Variants in ADCY3 observed in about 807,000 individuals in gnomAD.
ADCY3 encodes adenylate cyclase 3.
A neutral mutation model predicts 119.4 loss-of-function variants in ADCY3; 70 were observed. The observed-to-expected ratio is 0.59, with a 90% CI of 0.48 to 0.72. The LOEUF (loss-of-function observed/expected upper bound fraction) is 0.72, where lower values mean the gene tolerates loss of function less well. Among genes scored for constraint, ADCY3 ranks in the 30% least tolerant of loss-of-function variants. The pLI is 0.00. For synonymous variants in ADCY3, 672 were observed against 621.4 expected, an observed-to-expected ratio of 1.08 and a Z score of -1.21; for missense variants, 1,238 against 1,541.6, an observed-to-expected ratio of 0.80 and a Z score of 3.30.
At position 24,822,006 on chromosome 2, in the gene ADCY3, G is replaced by A. The variant is rs576205416; in HGVS notation, c.3004-366C>T. 1.6e-4 allele frequency: 37 copies of A among 236,430 alleles called. No homozygotes were observed. In the East Asian group the frequency reaches 1.7e-3, roughly 11 times the overall value. The allele number at this position is 236,430 out of a possible 1,614,324, so 14.6% of individuals were successfully genotyped here. ...TGGAGGGGGATGACCCGCCTTGGACGTGTTTCTTTAACCTCATCCATATAA... is the reference window on the plus strand; with the variant it reads ...TGGAGGGGGATGACCCGCCTTGGACATGTTTCTTTAACCTCATCCATATAA... On this transcript the variant is annotated intron_variant, in intron 19 of 21. Transcript: ENST00000679454.
intron 17 of ADCY3, 133 bp downstream of exon 17, chr2:24,824,245 G>A: frequency 8.7e-7 from 1 of 1,144,674 alleles, no homozygotes. Flanking sequence ...TGTGTTTGCT[G>A]TTTAGGTTCA....
intron 3 of ADCY3, among the ~76,000 whole-genome samples, chr2:24,856,588 C>G (rs1037113442): frequency 6.6e-6 from 1 of 152,162 alleles, no homozygotes; most frequent in Non-Finnish European, 1.5e-5. Flanking sequence ...GAGGCCAGAG[C>G]CCAAACAGCT....
intron 3 of ADCY3, among the ~76,000 whole-genome samples, chr2:24,850,812 T>A (rs143268740): frequency 6.6e-6 from 1 of 152,302 alleles, no homozygotes; most frequent in African/African-American, 2.4e-5. Flanking sequence ...ACCTTAAGAA[T>A]GACCATAATG....
At position 24,879,370 on chromosome 2, in the gene ADCY3, A is replaced by G. The variant is rs1170808866; in HGVS notation, c.676-6651T>C. ...CAGGAGGCTGAGGCAGGAGAACGGC[A>G]TGAACCCGGGAGGCGGAGCTTGCAG... is the stretch of plus-strand genomic sequence containing the variant. On this transcript the variant is annotated intron_variant, in intron 2 of 21. Transcript: ENST00000679454. Among the ~76,000 whole-genome samples the G allele has an allele frequency of 7.4e-5, 11 of 148,768 alleles. No individual in the cohort carries two copies. In the East Asian group the frequency reaches 8.2e-4, roughly 11 times the overall value.
At chr2:24,853,005 GGTGTGTGTGTGTGTGTGTGTGTGT>G (rs58904311) in intron 3 of ADCY3, among the ~76,000 whole-genome samples, 156 of 95,370 alleles carry the variant, frequency 1.6e-3, no homozygotes, top group South Asian at 2.8e-3. Context: ...ACAGCTGGAG[GGTGTGTGTGTGTGTGTGTGTGTGT>G]GTGTGTGTGT....
At chr2:24,875,674 C>CT (rs1222809693) in intron 2 of ADCY3, among the ~76,000 whole-genome samples, 9 of 152,334 alleles carry the variant, frequency 5.9e-5, no homozygotes, top group Admixed American at 5.2e-4. Flanking sequence ...GGGAGTCCCC[C>CT]TCCCGGCCTC....
intron 2 of ADCY3, among the ~76,000 whole-genome samples, chr2:24,901,014 G>T (rs561794914): frequency 1.3e-5 from 2 of 152,166 alleles, no homozygotes; most frequent in African/African-American, 2.4e-5. Flanking sequence ...GCAGTGAGCC[G>T]AGATCATGCC....
rs1180904847 is a variant in ADCY3, at chr2:24,834,852, C to G, written c.1747G>C (p.Glu583Gln). 6.2e-7 allele frequency: 1 copy of G among 1,613,830 alleles called. No homozygotes were observed. The highest frequency in any genetic ancestry group is 1.3e-5 in the African/African-American group (1 of 74,912). Residue 583 changes from glutamate to glutamine, a missense_variant, in exon 10 of 22, where the codon GAG becomes CAG. Physicochemically the swap from Glu to Gln is conservative, Grantham distance 29 (BLOSUM62 2). Transcript: ENST00000679454. This position sits in a 1 kb window ranked among gnomAD's most constrained non-coding sequence, Gnocchi z 4.2. ...ADRVVDASED[E>Q]HELNQLLNEA... ...TTGAGCAGCTGGTTGAGCTCGTGCTCATCTTCAGAGGCATCCACCACTCGG... is the reference window on the plus strand; with the variant it reads ...TTGAGCAGCTGGTTGAGCTCGTGCTGATCTTCAGAGGCATCCACCACTCGG...
intron 3 of ADCY3, among the ~76,000 whole-genome samples, chr2:24,858,336 C>T (rs1448057406): frequency 6.6e-6 from 1 of 152,102 alleles, no homozygotes; most frequent in East Asian, 1.9e-4. Flanking sequence ...GGTTTTTATC[C>T]AGAATGTACA....
intron 3 of ADCY3, among the ~76,000 whole-genome samples, chr2:24,863,214 C>T (rs1223063628): frequency 6.6e-6 from 1 of 152,116 alleles, no homozygotes; most frequent in East Asian, 1.9e-4. Context: ...ACATTTGAGT[C>T]GGTGGGCTGG....
intron 2 of ADCY3, among the ~76,000 whole-genome samples, chr2:24,903,043 A>T (rs1482187480): frequency 2.0e-5 from 3 of 151,390 alleles, no homozygotes. Flanking sequence ...GCCACTCAGG[A>T]GGCTGAGGCA....
intron 19 of ADCY3, chr2:24,822,003 G>T (rs1667802611): frequency 8.3e-6 from 2 of 240,760 alleles, no homozygotes; most frequent in South Asian, 1.5e-4. Flanking sequence ...ACCCGCCTTG[G>T]ACGTGTTTCT....
intron 3 of ADCY3, among the ~76,000 whole-genome samples, chr2:24,864,378 TG>T (rs1674041488): frequency 6.6e-6 from 1 of 152,168 alleles, no homozygotes. Context: ...ATTCCACTTT[TG>T]GGTATATATC....
At chr2:24,871,635 C>G (rs1486924389) in intron 3 of ADCY3, among the ~76,000 whole-genome samples, 1 of 152,226 alleles carries the variant, frequency 6.6e-6, no homozygotes, top group Non-Finnish European at 1.5e-5. Flanking sequence ...TCTATGAAAA[C>G]AGCAATTTCA....
intron 2 of ADCY3, among the ~76,000 whole-genome samples, chr2:24,884,430 AT>A: frequency 9.5e-6 from 1 of 104,802 alleles, no homozygotes; most frequent in South Asian, 2.8e-4. Context: ...CCTATCCCCT[AT>A]TTTTCTTCTA....
At position 24,828,351 on chromosome 2, in the gene ADCY3, C is replaced by T. The variant is rs113653493; in HGVS notation, c.2173-190G>A. 4.0e-3 allele frequency among the ~76,000 whole-genome samples: 607 copies of T among 152,304 alleles called. 5 individuals are homozygous for T. Among genetic ancestry groups the T allele is most frequent in the African/African-American group, 0.014 (561 of 41,552 alleles). Reference sequence around the variant, plus strand: ...TAGTAACTGCAGCTAAGAGCCTCGCCGTTGCCTCATTTGACATTCACAAAA... The same window carrying T: ...TAGTAACTGCAGCTAAGAGCCTCGCTGTTGCCTCATTTGACATTCACAAAA... On this transcript the variant is annotated intron_variant, in intron 13 of 21. Coordinates refer to ENST00000679454, the MANE Select transcript of ADCY3 (RefSeq NM_004036.5).
At chr2:24,876,601 G>A (rs1204854176) in intron 2 of ADCY3, among the ~76,000 whole-genome samples, 1 of 152,196 alleles carries the variant, frequency 6.6e-6, no homozygotes, top group Non-Finnish European at 1.5e-5. Flanking sequence ...AGGGCCCTGA[G>A]CTGGCCCTAG....
At chr2:24,843,645 T>G (rs1421724093) in intron 3 of ADCY3, among the ~76,000 whole-genome samples, 1 of 152,232 alleles carries the variant, frequency 6.6e-6, no homozygotes, top group Non-Finnish European at 1.5e-5. Context: ...GGTCTGTGGC[T>G]TGGGCGGTGC....
At chr2:24,820,982 T>A (rs1166249956) in intron 20 of ADCY3, 134 bp from the exon 21 acceptor site, 7 of 1,320,916 alleles carry the variant, frequency 5.3e-6, no homozygotes, top group Middle Eastern at 2.2e-4. Context: ...AACTTGGCTG[T>A]ATGCTATTGG....
Sources: gnomAD v4.1 joint callset for allele counts (sites outside exome capture counted in the v4.1 genomes callset) on GRCh38, gnomAD v4.1.1 for gene constraint, Gnocchi (gnomAD v3.1) non-coding constraint, MANE v1.5 for transcripts, NCBI Gene and HGNC (gene_info 2026-07-23, HGNC 2026-07-21) for gene names.